The following TGFA variants were observed in gnomAD, a reference collection of about 807,000 sequenced individuals.
TGFA encodes protransforming growth factor alpha.
Under a neutral mutation model 21.7 loss-of-function variants are expected in TGFA, and 12 were observed. The observed-to-expected ratio is 0.55, with a 90% CI of 0.35 to 0.90. The LOEUF (loss-of-function observed/expected upper bound fraction) is 0.90. Among genes scored for constraint, TGFA ranks in the 40% least tolerant of loss-of-function variants. TGFA has a pLI of 0.01. For synonymous variants in TGFA, 79 were observed against 88.1 expected, an observed-to-expected ratio of 0.90 and a Z score of 0.58; for missense variants, 178 against 210.8, an observed-to-expected ratio of 0.84 and a Z score of 0.96.
chr2:70,468,137 A>T (rs1364630048), intron 2 of TGFA, among the ~76,000 whole-genome samples: 1 of 152,230 alleles, frequency 6.6e-6, no homozygotes, highest in African/African-American at 2.4e-5. Flanking sequence ...ATATGAATGA[A>T]TATCCACGTG....
intron 2 of TGFA, among the ~76,000 whole-genome samples, chr2:70,511,159 G>A (rs868985301): frequency 9.2e-5 from 14 of 152,118 alleles, no homozygotes; most frequent in Admixed American, 5.9e-4. Context: ...CTGTCACTCA[G>A]GAATGTATCA....
intron 2 of TGFA, among the ~76,000 whole-genome samples, chr2:70,475,066 G>A (rs959397498): frequency 1.3e-5 from 2 of 151,632 alleles, no homozygotes; most frequent in Admixed American, 6.6e-5. Flanking sequence ...TACTTTGAAG[G>A]CAAAAGCAGA....
intron 4 of TGFA, among the ~76,000 whole-genome samples, chr2:70,453,704 T>G (rs1670134207): frequency 6.6e-6 from 1 of 152,172 alleles, no homozygotes; most frequent in African/African-American, 2.4e-5. Context: ...GACAAAGGAC[T>G]GGGATAAAGT....
chr2:70,494,198 T>G (rs369227365), intron 2 of TGFA, among the ~76,000 whole-genome samples: 61 of 152,246 alleles, frequency 4.0e-4, no homozygotes, highest in Non-Finnish European at 7.1e-4. Context: ...CCTCTTCCCA[T>G]CCTCTTATAA....
chr2:70,482,305 G>A (rs1468749469), intron 2 of TGFA, among the ~76,000 whole-genome samples: 1 of 152,072 alleles, frequency 6.6e-6, no homozygotes, highest in African/African-American at 2.4e-5. Flanking sequence ...TTACAGATGA[G>A]GAATACAGGT....
chr2:70,481,482 A>G (rs1215333673), intron 2 of TGFA, among the ~76,000 whole-genome samples: 2 of 152,172 alleles, frequency 1.3e-5, no homozygotes. Flanking sequence ...TCTATACAGC[A>G]GTCCTTTCCC....
chr2:70,466,111 G>T (rs1288135558), intron 2 of TGFA, among the ~76,000 whole-genome samples: 6 of 152,176 alleles, frequency 3.9e-5, no homozygotes, highest in Non-Finnish European at 7.3e-5. Context: ...CAAGAGAATG[G>T]AAAGGTACAA....
chr2:70,466,523 A>C (rs1158126910), intron 2 of TGFA, among the ~76,000 whole-genome samples: 2 of 150,774 alleles, frequency 1.3e-5, no homozygotes, highest in East Asian at 1.9e-4. Flanking sequence ...AAAAAAAACC[A>C]AAAAAACAAA....
At chr2:70,453,370 G>A (rs1670122670) in intron 4 of TGFA, 43 bp from the exon 5 acceptor site, 1 of 1,576,228 alleles carries the variant, frequency 6.3e-7, no homozygotes, top group African/African-American at 1.3e-5. Flanking sequence ...GAGCCTGGTA[G>A]GAGGGCCAGG....
chr2:70,451,778 G>C (rs979133939), intron 5 of TGFA: 1 of 701,654 alleles, frequency 1.4e-6, no homozygotes, highest in Non-Finnish European at 2.6e-6. Context: ...GAGATGTTGA[G>C]AGGGGGCTTT....
At chr2:70,544,324 TTAAAA>T (rs1489293747) in intron 1 of TGFA, among the ~76,000 whole-genome samples, 3 of 151,266 alleles carry the variant, frequency 2.0e-5, no homozygotes, top group Non-Finnish European at 4.4e-5. Context: ...TAATAAAAGA[TTAAAA>T]TAAGATATTT....
rs10201973 is a variant in TGFA, at chr2:70,548,565, A to C, written c.40+5163T>G. ...AGAAAACGGAAAGCCTTTCACAGTA[A>C]GGGAACAACAACAACAAAAATTAAA... On this transcript the variant is annotated intron_variant, in intron 1 of 5. Coordinates refer to ENST00000295400, the MANE Select transcript of TGFA (RefSeq NM_003236.4). Among the ~76,000 whole-genome samples the C allele has an allele frequency of 2.7e-3, 413 of 151,326 alleles. 1 individual carries two copies. The highest frequency in any genetic ancestry group is 9.8e-3 in the African/African-American group (399 of 40,592).
rs1204198153 is a variant in TGFA, at chr2:70,553,450, G to A, written c.40+278C>T. ...AGACACACAGCTGCGGCGGATTAAA[G>A]TTCAAGCCCGTTCACACTCCGCTTC... On this transcript the variant is annotated intron_variant, in intron 1 of 5. Coordinates refer to ENST00000295400, the MANE Select transcript of TGFA (RefSeq NM_003236.4). 16 of 1,414,688 alleles carry A rather than the reference G, an allele frequency of 1.1e-5. No homozygotes were observed. The Admixed American group carries it at 4.6e-4, about 41-fold the overall frequency. The allele number at this position is 1,414,688 out of a possible 1,614,324, so 87.6% of individuals were successfully genotyped here. A position where few individuals can be genotyped will look rare whatever the true frequency, so the allele number is the denominator to read the frequency against.
chr2:70,510,106 A>G (rs1290400467), intron 2 of TGFA, among the ~76,000 whole-genome samples: 2 of 152,230 alleles, frequency 1.3e-5, no homozygotes, highest in Non-Finnish European at 2.9e-5. Context: ...TAAATCATGC[A>G]TTAAGCAGTC....
intron 2 of TGFA, among the ~76,000 whole-genome samples, chr2:70,504,722 C>T (rs1445808587): frequency 6.6e-6 from 1 of 151,814 alleles, no homozygotes; most frequent in African/African-American, 2.4e-5. Flanking sequence ...TCCAATCTGT[C>T]TTGGGGAAGG....
At chr2:70,463,783 A>G (rs992554220) in intron 3 of TGFA, among the ~76,000 whole-genome samples, 1 of 152,130 alleles carries the variant, frequency 6.6e-6, no homozygotes, top group Non-Finnish European at 1.5e-5. Context: ...CTGGGTCAAG[A>G]GGGCAAACTT....
chr2:70,502,962 GCA>G (rs1671781880), intron 2 of TGFA, among the ~76,000 whole-genome samples: 1 of 152,124 alleles, frequency 6.6e-6, no homozygotes, highest in African/African-American at 2.4e-5. Flanking sequence ...GGGGACGGAG[GCA>G]CAGAGTGGTT....
chr2:70,507,221 A>C (rs964213227), intron 2 of TGFA, among the ~76,000 whole-genome samples: 7 of 152,234 alleles, frequency 4.6e-5, no homozygotes, highest in Non-Finnish European at 1.0e-4. Context: ...GGCAGCCTGC[A>C]CTCAGTGCAC....
chr2:70,482,030 T>C (rs1671138593), intron 2 of TGFA, among the ~76,000 whole-genome samples: 1 of 152,182 alleles, frequency 6.6e-6, no homozygotes, highest in African/African-American at 2.4e-5. Flanking sequence ...CATATAGCAA[T>C]AAATAACATA....
Sources: allele counts gnomAD v4.1 joint callset (sites outside exome capture counted in the v4.1 genomes callset), GRCh38; gene constraint gnomAD v4.1.1; transcripts MANE v1.5; gene names NCBI Gene and HGNC (gene_info 2026-07-23, HGNC 2026-07-21).